Variants in ARHGEF28 observed in about 807,000 individuals in gnomAD.
ARHGEF28 encodes the protein 190 kDa guanine nucleotide exchange factor.
ARHGEF28 carries 152 observed loss-of-function variants against 206.6 expected under a neutral mutation model. The ratio of observed to expected loss-of-function variants is 0.74; its 90% CI spans 0.64 to 0.84. The LOEUF (loss-of-function observed/expected upper bound fraction) is 0.84, where lower values mean the gene tolerates loss of function less well. Ranked by LOEUF, ARHGEF28 falls within the 40% of genes least tolerant of loss-of-function variation. The probability of loss-of-function intolerance (pLI) is 0.00; values close to 1 mark genes in which losing one functional copy is unlikely to be tolerated. For synonymous variants in ARHGEF28, 763 were observed against 776.4 expected (o/e 0.98, Z 0.29); for missense variants, 2,028 against 2,073.2 (o/e 0.98, Z 0.42).
At chr5:73,670,008 T>C (rs1184024113) in intron 1 of ARHGEF28, among the ~76,000 whole-genome samples, 2 of 152,196 alleles carry the variant, frequency 1.3e-5, no homozygotes, top group Admixed American at 6.5e-5. Flanking sequence ...TATTTTAGTA[T>C]GTGTGTTTTA....
chr5:73,707,164 C>T lies in ARHGEF28; in HGVS notation c.33+22280C>T, dbSNP rs550235888. On this transcript the variant is annotated intron_variant, in intron 2 of 35. Coordinates refer to ENST00000513042, the MANE Select transcript of ARHGEF28 (RefSeq NM_001177693.2). ...GTAAAGCATCACATGCTCTACCCTACGCGAGCAGCTGGCTAGAGTGGGACT... is the reference window on the plus strand; with the variant it reads ...GTAAAGCATCACATGCTCTACCCTATGCGAGCAGCTGGCTAGAGTGGGACT... Among the ~76,000 whole-genome samples, 34 of 152,302 alleles carry T rather than the reference C, an allele frequency of 2.2e-4. No individual in the cohort carries two copies. In the South Asian group the frequency reaches 6.9e-3, roughly 31 times the overall value.
intron 1 of ARHGEF28, among the ~76,000 whole-genome samples, chr5:73,645,429 A>G (rs1168041076): frequency 2.0e-5 from 3 of 152,228 alleles, no homozygotes; most frequent in Admixed American, 6.5e-5. Flanking sequence ...TTTCCTAAAA[A>G]ATAGCCAAAA....
chr5:73,824,600 C>G (rs996982224), intron 9 of ARHGEF28, among the ~76,000 whole-genome samples: 1 of 151,914 alleles, frequency 6.6e-6, no homozygotes, highest in Non-Finnish European at 1.5e-5. Flanking sequence ...GCCTGAGTAG[C>G]TGGGATTACA....
chr5:73,919,718 G>T (rs1763413023), intron 35 of ARHGEF28, among the ~76,000 whole-genome samples: 1 of 152,206 alleles, frequency 6.6e-6, no homozygotes, highest in Non-Finnish European at 1.5e-5. Flanking sequence ...GTCATTTTAA[G>T]TCTAAAGATT....
At chr5:73,786,208 A>G (rs1351027161) in intron 7 of ARHGEF28, 1 of 152,254 alleles carries the variant, frequency 6.6e-6, no homozygotes, top group South Asian at 2.1e-4. Flanking sequence ...CTATACACTC[A>G]TGGAGCACTC....
intron 30 of ARHGEF28, chr5:73,899,331 C>T (rs1762133849): frequency 6.6e-6 from 1 of 152,236 alleles, no homozygotes. Flanking sequence ...TGGAGAGGCT[C>T]CCCTCTGCAG....
intron 4 of ARHGEF28, among the ~76,000 whole-genome samples, chr5:73,771,483 G>A (rs912328421): frequency 3.3e-5 from 5 of 152,152 alleles, no homozygotes; most frequent in Admixed American, 1.3e-4. Context: ...GGGAGGCAGA[G>A]GTTGCAGTGA....
rs934194931 is a variant in ARHGEF28, at chr5:73,827,961, A to G, written c.1025-4377A>G. The G allele has an allele frequency of 2.0e-5, 3 of 152,214 alleles. No homozygotes were observed. In the South Asian group the frequency reaches 6.2e-4, roughly 32 times the overall value. 9.4% of individuals were successfully genotyped at this position (152,214 alleles called of 1,614,324 possible). A position where few individuals can be genotyped will look rare whatever the true frequency, so the allele number is the denominator to read the frequency against. ...AGTTACATATAGAAGTGATAAAATC[A>G]TATTTCTTGAAAATATTGAAAAGAT... On this transcript the variant is annotated intron_variant, in intron 9 of 35. Coordinates refer to ENST00000513042, the MANE Select transcript of ARHGEF28 (RefSeq NM_001177693.2).
intron 1 of ARHGEF28, among the ~76,000 whole-genome samples, chr5:73,668,269 C>T (rs553199947): frequency 6.6e-6 from 1 of 152,274 alleles, no homozygotes; most frequent in South Asian, 2.1e-4. Context: ...CTGTTTCGTG[C>T]TGCTGTAGCA....
intron 7 of ARHGEF28, among the ~76,000 whole-genome samples, chr5:73,789,841 G>A (rs13357495): frequency 0.22 from 33,883 of 151,936 alleles, 8,641 homozygotes; most frequent in African/African-American, 0.62. Flanking sequence ...CCCAAACTAA[G>A]AAATCCCAAA....
rs186528160 is a variant in ARHGEF28 at position 73,835,916 on chromosome 5, C to T, written c.1146+3457C>T. On this transcript the variant is annotated intron_variant, in intron 10 of 35. Transcript: ENST00000513042. ...GGTGGATTGCTTCCTTGCTGCATGT[C>T]GGGGGAAAACCCCACACATTTAGTC... 3.7e-3 allele frequency among the ~76,000 whole-genome samples: 567 copies of T among 152,148 alleles called. 2 individuals carry two copies. Among genetic ancestry groups the T allele is most frequent in the Middle Eastern group, 0.014 (4 of 294 alleles).
intron 26 of ARHGEF28, among the ~76,000 whole-genome samples, chr5:73,889,352 T>G (rs1761490899): frequency 6.6e-6 from 1 of 152,250 alleles, no homozygotes; most frequent in African/African-American, 2.4e-5. Context: ...AGTGGGTCCC[T>G]ACAAGACAGT....
At chr5:73,747,840 A>C (rs1174933459) in intron 2 of ARHGEF28, among the ~76,000 whole-genome samples, 1 of 152,190 alleles carries the variant, frequency 6.6e-6, no homozygotes, top group African/African-American at 2.4e-5. Context: ...GGCGTGATGA[A>C]TTACAAGACT....
At chr5:73,773,638 C>T (rs1408697489) in intron 4 of ARHGEF28, among the ~76,000 whole-genome samples, 5 of 152,158 alleles carry the variant, frequency 3.3e-5, no homozygotes, top group Non-Finnish European at 7.4e-5. Context: ...CTGTGCTCAG[C>T]GGACCTGGCC....
intron 2 of ARHGEF28, among the ~76,000 whole-genome samples, chr5:73,694,095 A>G (rs1462729389): frequency 6.6e-6 from 1 of 152,210 alleles, no homozygotes; most frequent in East Asian, 1.9e-4. Flanking sequence ...TTGACTTACA[A>G]ACATTTTACA....
chr5:73,897,881 G>A, intron 29 of ARHGEF28, 81 bp from the exon 30 acceptor site: 2 of 1,441,132 alleles, frequency 1.4e-6, no homozygotes, highest in Non-Finnish European at 9.4e-7. Context: ...CAGGCCAAAT[G>A]CGATTTGCCA....
At chr5:73,706,616 A>T (rs1748952166) in intron 2 of ARHGEF28, among the ~76,000 whole-genome samples, 1 of 152,198 alleles carries the variant, frequency 6.6e-6, no homozygotes, top group Admixed American at 6.5e-5. Context: ...TGACTGAATG[A>T]ATGAATGAAG....
intron 1 of ARHGEF28, among the ~76,000 whole-genome samples, chr5:73,678,137 G>T (rs1397396417): frequency 6.6e-6 from 1 of 152,182 alleles, no homozygotes; most frequent in Non-Finnish European, 1.5e-5. Context: ...ATCCAAATGA[G>T]AATATAAAAT....
chr5:73,734,123 A>G lies in ARHGEF28; in HGVS notation c.34-15714A>G, dbSNP rs369256482. On this transcript the variant is annotated intron_variant, in intron 2 of 35. Coordinates refer to ENST00000513042, the MANE Select transcript of ARHGEF28 (RefSeq NM_001177693.2). ...CCAACACTGGGGATTATAATTGAAC[A>G]TGGGATTTGGGTAGGGACATGGATC... Among the ~76,000 whole-genome samples, 20 of 152,224 alleles carry G rather than the reference A, an allele frequency of 1.3e-4. No homozygotes were observed. The South Asian group carries it at 4.0e-3, about 30-fold the overall frequency.
Sources: allele counts gnomAD v4.1 joint callset (sites outside exome capture counted in the v4.1 genomes callset), GRCh38; gene constraint gnomAD v4.1.1; transcripts MANE v1.5; gene names NCBI Gene and HGNC (gene_info 2026-07-23, HGNC 2026-07-21).